Variants in FHDC1 observed in about 807,000 individuals in gnomAD.
FHDC1 encodes the protein FH2 domain containing 1.
A neutral mutation model predicts 52.6 loss-of-function variants in FHDC1; 25 were observed. The ratio of observed to expected loss-of-function variants is 0.48; its 90% CI spans 0.35 to 0.66. The LOEUF (loss-of-function observed/expected upper bound fraction) is 0.66. Ranked by LOEUF, FHDC1 falls within the 30% of genes least tolerant of loss-of-function variation. The probability of loss-of-function intolerance (pLI) is 0.01; values close to 1 mark genes in which losing one functional copy is unlikely to be tolerated. For missense variants in FHDC1, 1,459 were observed against 1,452.8 expected (o/e 1.00, Z -0.07); for synonymous variants, 616 against 581.5 (o/e 1.06, Z -0.85).
the FHDC1 span, chr4:152,916,873 G>T: frequency 1.3e-5 from 2 of 152,206 alleles, no homozygotes; most frequent in African/African-American, 2.4e-5. Context: ...AGGAAAACAT[G>T]CATTCACTAA....
chr4:152,933,729 CA>C (rs70949623), upstream of FHDC1, among the ~76,000 whole-genome samples: 1,416 of 60,754 alleles, frequency 0.023, 8 homozygotes, highest in Middle Eastern at 0.061. Flanking sequence ...GACCCCGTCT[CA>C]AAAAAAAAAA....
intron 2 of FHDC1, among the ~76,000 whole-genome samples, chr4:152,947,511 C>G (rs1363911039): frequency 6.6e-6 from 1 of 152,164 alleles, no homozygotes; most frequent in Admixed American, 6.5e-5. Flanking sequence ...GAGCCTTCCA[C>G]CAGTGTTAGC....
Position 152,975,598 on chromosome 4 carries a change from T to A in FHDC1, c.2307T>A (p.Pro769=). 3.7e-6 allele frequency: 6 copies of A among 1,613,514 alleles called. No homozygotes were observed. The highest frequency in any genetic ancestry group is 4.2e-6 in the Non-Finnish European group (5 of 1,180,002). ...ACCCTGAGAACAAAGATCCTAGACC[T>A]CTGTTCTGCATCTCGGACACCACCG... ...SSDPENKDPR[P]LFCISDTTDC... The change falls in exon 12 of 12, where the codon CCT becomes CCA. Residue 769 remains proline (P), a synonymous_variant. Transcript: ENST00000511601.
At chr4:152,923,467 C>T in the FHDC1 span, among the ~76,000 whole-genome samples, 1 of 152,218 alleles carries the variant, frequency 6.6e-6, no homozygotes, top group Non-Finnish European at 1.5e-5. Context: ...CCATCCCCAT[C>T]AAGCTACCAA....
In FHDC1 at chr4:152,976,151, G is replaced by A. The variant is rs748687461; in HGVS notation, c.2860G>A (p.Glu954Lys). 2 of 1,612,102 alleles carry A rather than the reference G, an allele frequency of 1.2e-6. No homozygotes were observed. The change falls in exon 12 of 12, where the codon GAG becomes AAG. Residue 954 changes from glutamate (E) to lysine (K), a missense_variant. Around this residue, in one of 3 missense-constraint regions of FHDC1, gnomAD observed 939 missense variants for 854.5 expected, o/e 1.10. Transcript: ENST00000511601. ...SVRRASTGAE[E>K]QRLPRGSSGS... ...GCGGAGGGCCTCCACAGGCGCCGAAGAGCAGAGGCTGCCGCGGGGGAGCAG... is the reference window on the plus strand; with the variant it reads ...GCGGAGGGCCTCCACAGGCGCCGAAAAGCAGAGGCTGCCGCGGGGGAGCAG...
At chr4:152,958,627 C>G (rs1465550053) in intron 4 of FHDC1, among the ~76,000 whole-genome samples, 1 of 152,154 alleles carries the variant, frequency 6.6e-6, no homozygotes, top group East Asian at 1.9e-4. Context: ...AGACTGAAAA[C>G]CATGCTGTGA....
intron 4 of FHDC1, among the ~76,000 whole-genome samples, chr4:152,957,204 G>A (rs542394963): frequency 6.6e-6 from 1 of 152,204 alleles, no homozygotes; most frequent in Non-Finnish European, 1.5e-5. Flanking sequence ...TATGTGTAAC[G>A]CTCTGTGCTC....
At chr4:152,973,541 C>T (rs1426903881) in intron 11 of FHDC1, among the ~76,000 whole-genome samples, 1 of 152,204 alleles carries the variant, frequency 6.6e-6, no homozygotes, top group Non-Finnish European at 1.5e-5. Flanking sequence ...CCTGTGAGGC[C>T]ACCTGTGTGA....
chr4:152,925,279 CACAT>C, the FHDC1 span, among the ~76,000 whole-genome samples: 31 of 152,086 alleles, frequency 2.0e-4, no homozygotes, highest in Admixed American at 6.6e-5. Flanking sequence ...AAACATATGA[CACAT>C]AAATGCGTAG....
rs373498048 is a variant in FHDC1, at chr4:152,940,338, A to G, written c.-130-2590A>G. Among the ~76,000 whole-genome samples the G allele has an allele frequency of 3.3e-5, 5 of 152,380 alleles. No homozygotes were observed. The East Asian group carries it at 7.7e-4, about 23-fold the overall frequency. On this transcript the variant is annotated intron_variant, in intron 1 of 11. Transcript: ENST00000511601. Reference sequence around the variant, plus strand: ...GACAGCATACCAGGGACACTGTTGTACATTTTCTTTTGTTTCCTTTAACTT... The same window carrying G: ...GACAGCATACCAGGGACACTGTTGTGCATTTTCTTTTGTTTCCTTTAACTT...
At chr4:152,946,770 A>C (rs879788790) in intron 2 of FHDC1, among the ~76,000 whole-genome samples, 4 of 152,256 alleles carry the variant, frequency 2.6e-5, no homozygotes, top group Non-Finnish European at 4.4e-5. Context: ...ATAACCTCCT[A>C]CAGAAACAGC....
intron 6 of FHDC1, among the ~76,000 whole-genome samples, chr4:152,961,535 A>T (rs1351862461): frequency 6.6e-6 from 1 of 152,170 alleles, no homozygotes; most frequent in African/African-American, 2.4e-5. Context: ...GCATCTTGGC[A>T]CTGAGAATCC....
intron 1 of FHDC1, among the ~76,000 whole-genome samples, chr4:152,938,563 T>TC (rs1325089899): frequency 6.6e-6 from 1 of 152,206 alleles, no homozygotes; most frequent in Non-Finnish European, 1.5e-5. Context: ...GTCCGTACTT[T>TC]CCCCATCCTT....
chr4:152,925,956 T>C, the FHDC1 span, among the ~76,000 whole-genome samples: 8 of 147,420 alleles, frequency 5.4e-5, no homozygotes, highest in East Asian at 1.6e-3. Context: ...AAGCAAGGAG[T>C]TTAAGACCTG....
At chr4:152,935,663 C>T (rs1739342822), upstream of FHDC1, among the ~76,000 whole-genome samples, 2 of 152,162 alleles carry the variant, frequency 1.3e-5, no homozygotes, top group Admixed American at 1.3e-4. Context: ...AAATTTACAG[C>T]TTGGCAGGCC....
At chr4:152,926,773 A>C in the FHDC1 span, among the ~76,000 whole-genome samples, 2 of 151,624 alleles carry the variant, frequency 1.3e-5, no homozygotes, top group East Asian at 3.8e-4. Flanking sequence ...GGATTTCATC[A>C]AGGCTGATAG....
the FHDC1 span, among the ~76,000 whole-genome samples, chr4:152,928,823 T>G: frequency 2.6e-5 from 4 of 152,038 alleles, no homozygotes; most frequent in Non-Finnish European, 5.9e-5. Context: ...TCCGTATCCT[T>G]GGCCATTCCC....
the FHDC1 span, among the ~76,000 whole-genome samples, chr4:152,926,351 G>A: frequency 2.0e-5 from 3 of 150,860 alleles, no homozygotes; most frequent in Admixed American, 6.6e-5. Context: ...TAATTAAGCT[G>A]ACTTTTAACC....
chr4:152,927,626 CAGA>C, the FHDC1 span: 1 of 1,605,048 alleles, frequency 6.2e-7, no homozygotes, highest in Non-Finnish European at 8.5e-7. Context: ...GCTACAGGAA[CAGA>C]AGGACAGGAA....
Sources: allele counts gnomAD v4.1 joint callset (sites outside exome capture counted in the v4.1 genomes callset), GRCh38; gene constraint gnomAD v4.1.1; regional missense constraint gnomAD v4.1.1; transcripts MANE v1.5; gene names NCBI Gene and HGNC (gene_info 2026-07-23, HGNC 2026-07-21).